The following AKAP9 variants were observed in gnomAD, a reference collection of about 807,000 sequenced individuals.
AKAP9 encodes A-kinase anchor protein 9.
AKAP9 carries 311 observed loss-of-function variants against 488.5 expected under a neutral mutation model. That is an observed-to-expected ratio of 0.64 (90% CI 0.58 to 0.70). The LOEUF is 0.70. Among genes scored for constraint, AKAP9 ranks in the 30% least tolerant of loss-of-function variants. The pLI is 0.00. For synonymous variants in AKAP9, 1,462 were observed against 1,483.5 expected (o/e 0.99, Z 0.33); for missense variants, 4,215 against 4,374.5 (o/e 0.96, Z 1.03).
At chr7:92,040,590 A>T in intron 17 of AKAP9, 84 bp from the exon 18 acceptor site, 1 of 953,834 alleles carries the variant, frequency 1.0e-6, no homozygotes, top group South Asian at 1.5e-5. Flanking sequence ...TTGCTTTCGT[A>T]TTTGTTTACA....
intron 16 of AKAP9, among the ~76,000 whole-genome samples, chr7:92,036,857 AT>A (rs1805278254): frequency 6.6e-6 from 1 of 152,188 alleles, no homozygotes; most frequent in African/African-American, 2.4e-5. Flanking sequence ...GTCTTTTGAC[AT>A]TTTGCCGTAA....
chr7:92,066,324 G>T, intron 25 of AKAP9, 103 bp from the exon 26 acceptor site: 2 of 1,425,384 alleles, frequency 1.4e-6, no homozygotes, highest in Non-Finnish European at 2.0e-6. Flanking sequence ...TCAGTCCTTT[G>T]TCTTCAAACA....
rs768123631 is a variant in AKAP9, at chr7:92,076,998, A to G, written c.6756A>G (p.Lys2252=). 3.8e-6 allele frequency: 6 copies of G among 1,570,368 alleles called. No individual in the cohort carries two copies. In the Admixed American group the frequency reaches 1.1e-4, roughly 28 times the overall value. Residue 2252 remains lysine (K), a synonymous_variant, in exon 29 of 50, where the codon AAA becomes AAG. Transcript: ENST00000356239. ...TACAAGAACTTGAACAGGAAAACAA[A>G]TTATTTAAGGTAATTAGTTAAGAAA... ...TRLQELEQEN[K]LFKDDMEKLG... is the part of the protein sequence containing the mutation.
At chr7:91,981,738 T>C (rs904452027) in intron 3 of AKAP9, among the ~76,000 whole-genome samples, 11 of 151,928 alleles carry the variant, frequency 7.2e-5, no homozygotes, top group Non-Finnish European at 2.9e-5. Flanking sequence ...CTTCCCAAGC[T>C]GGGACTACAG....
rs886764404 is a variant in AKAP9, at chr7:92,105,854, C to T, written c.11416+91C>T. On this transcript the variant is annotated intron_variant, in intron 47 of 49. Transcript: ENST00000356239. ...GACTATGGACCATACTTGTCTGTGG[C>T]CTGTTAGGAACCAGGCCGCACAGCA... 4.2e-6 allele frequency: 5 copies of T among 1,191,776 alleles called. No homozygotes were observed. In the African/African-American group the frequency reaches 4.5e-5, roughly 11 times the overall value. The allele number at this position is 1,191,776 out of a possible 1,614,324, so 73.8% of individuals were successfully genotyped here.
intron 20 of AKAP9, 96 bp downstream of exon 20, chr7:92,042,867 CTT>C (rs1806349169): frequency 1.2e-6 from 1 of 830,784 alleles, no homozygotes; most frequent in Non-Finnish European, 2.0e-6. Context: ...TACATTGATA[CTT>C]TGTCTTAAAA....
intron 25 of AKAP9, among the ~76,000 whole-genome samples, chr7:92,066,054 C>T (rs1810716868): frequency 1.3e-5 from 2 of 152,108 alleles, no homozygotes; most frequent in African/African-American, 4.8e-5. Flanking sequence ...ATTTACCAAA[C>T]AATTTGTTTT....
intron 28 of AKAP9, among the ~76,000 whole-genome samples, chr7:92,072,728 A>T (rs1472797058): frequency 4.6e-5 from 7 of 152,212 alleles, no homozygotes; most frequent in Non-Finnish European, 1.5e-5. Context: ...GATACGTTCC[A>T]TAGGTTTTAG....
Position 92,082,622 on chromosome 7 carries a change from G to A in AKAP9, c.8120G>A (p.Ser2707Asn), listed in dbSNP as rs1563110498. Residue 2707 changes from serine to asparagine, a missense_variant, in exon 32 of 50, where the codon AGT (serine) becomes AAT (asparagine). Physicochemically the swap from Ser to Asn is conservative, Grantham distance 46. Transcript: ENST00000356239. ...GTGGCTACCAAAGCAGAACTTGCCA[G>A]TTATAAAGAAAAGGCTGAAAAACTT... is the stretch of plus-strand genomic sequence containing the variant. ...ESVATKAELA[S>N]YKEKAEKLQE... The A allele has an allele frequency of 6.2e-7, 1 of 1,613,876 alleles. No individual in the cohort carries two copies. The highest frequency in any genetic ancestry group is 8.5e-7 in the Non-Finnish European group (1 of 1,179,946).
chr7:91,977,102 T>TA (rs1229487383), intron 2 of AKAP9, among the ~76,000 whole-genome samples: 1 of 150,868 alleles, frequency 6.6e-6, no homozygotes, highest in Non-Finnish European at 1.5e-5. Context: ...TTACAAAAAG[T>TA]AAAAAAAATT....
intron 32 of AKAP9, 131 bp from the exon 33 acceptor site, chr7:92,083,038 TG>T (rs1413031714): frequency 1.9e-6 from 2 of 1,038,746 alleles, no homozygotes; most frequent in Non-Finnish European, 2.8e-6. Context: ...GTTTCTGAAA[TG>T]TTTTTCCTAC....
At chr7:92,065,494 T>C (rs1810625745) in intron 25 of AKAP9, 31 bp downstream of exon 25, 1 of 1,470,432 alleles carries the variant, frequency 6.8e-7, no homozygotes. Flanking sequence ...TACTGATTTT[T>C]CTCAGTGGAA....
intron 22 of AKAP9, among the ~76,000 whole-genome samples, chr7:92,053,658 C>T (rs995334146): frequency 4.6e-5 from 7 of 152,144 alleles, no homozygotes; most frequent in East Asian, 3.8e-4. Flanking sequence ...ACTAACTCCA[C>T]GCTGTGTTAT....
At chr7:91,996,363 A>G (rs1244609800) in intron 7 of AKAP9, among the ~76,000 whole-genome samples, 1 of 152,168 alleles carries the variant, frequency 6.6e-6, no homozygotes, top group Non-Finnish European at 1.5e-5. Flanking sequence ...ATCCTGGAAG[A>G]TTCTTTTTCT....
chr7:92,081,272 T>C (rs944178935), intron 31 of AKAP9, among the ~76,000 whole-genome samples: 11 of 151,542 alleles, frequency 7.3e-5, no homozygotes, highest in African/African-American at 2.4e-4. Context: ...TAGCATCTAC[T>C]GAATTAATTA....
intron 21 of AKAP9, among the ~76,000 whole-genome samples, chr7:92,045,981 A>C (rs548020738): frequency 8.8e-4 from 134 of 151,836 alleles, no homozygotes; most frequent in African/African-American, 3.2e-3. Context: ...CTACAGGTGC[A>C]TGCCACCATG....
At chr7:92,044,931 A>C (rs1026471407) in intron 20 of AKAP9, 77 bp from the exon 21 acceptor site, 1 of 1,140,224 alleles carries the variant, frequency 8.8e-7, no homozygotes, top group East Asian at 2.3e-5. Flanking sequence ...TTTGCAGTGT[A>C]CTTTTTAGTG....
intron 4 of AKAP9, 141 bp downstream of exon 4, chr7:91,992,352 A>G (rs570081833): frequency 4.0e-6 from 3 of 751,916 alleles, no homozygotes; most frequent in South Asian, 1.5e-5. Flanking sequence ...AAACAAAGTT[A>G]TCTACCATTT....
At chr7:91,980,381 A>G in intron 3 of AKAP9, 48 bp downstream of exon 3, 5 of 883,830 alleles carry the variant, frequency 5.7e-6, no homozygotes, top group Non-Finnish European at 6.7e-6. Flanking sequence ...GTATATTTAT[A>G]TTATTATTGA....
Sources: allele counts gnomAD v4.1 joint callset (sites outside exome capture counted in the v4.1 genomes callset), GRCh38; gene constraint gnomAD v4.1.1; transcripts MANE v1.5; gene names NCBI Gene and HGNC (gene_info 2026-07-23, HGNC 2026-07-21).